The following PCDH15 variants were observed in gnomAD, a reference collection of about 807,000 sequenced individuals.
PCDH15 encodes the protein protocadherin-15.
In PCDH15, 129 loss-of-function variants were observed where a neutral mutation model predicts 178.5. The observed-to-expected ratio is 0.72, with a 90% CI of 0.63 to 0.84. The LOEUF is 0.84. Among genes scored for constraint, PCDH15 ranks in the 40% least tolerant of loss-of-function variants. The pLI is 0.00. For missense variants in PCDH15, 2,230 were observed against 2,099.9 expected (o/e 1.06, Z -1.21); for synonymous variants, 800 against 732.0 (o/e 1.09, Z -1.50).
chr10:53,974,753 C>T (rs2090048415), intron 21 of PCDH15, among the ~76,000 whole-genome samples: 1 of 152,088 alleles, frequency 6.6e-6, no homozygotes, highest in African/African-American at 2.4e-5. Context: ...ACCACAGGCG[C>T]CTCTGCCCTT....
intron 1 of PCDH15, among the ~76,000 whole-genome samples, chr10:54,726,433 T>TGG (rs1942531601): frequency 6.4e-5 from 3 of 46,578 alleles, no homozygotes; most frequent in East Asian, 1.3e-3. Context: ...TGTGTGTGTG[T>TGG]GTGTGTGTGT....
At chr10:54,020,697 G>A (rs2092894383) in intron 19 of PCDH15, among the ~76,000 whole-genome samples, 1 of 151,648 alleles carries the variant, frequency 6.6e-6, no homozygotes, top group Admixed American at 6.6e-5. Context: ...ATAAGATTTT[G>A]TCATTGTTGA....
intron 3 of PCDH15, among the ~76,000 whole-genome samples, chr10:54,446,396 A>AT (rs1308149377): frequency 2.0e-5 from 3 of 151,598 alleles, no homozygotes; most frequent in Non-Finnish European, 3.0e-5. Flanking sequence ...AGTTCATATA[A>AT]TTTTTTTCCT....
intron 14 of PCDH15, among the ~76,000 whole-genome samples, chr10:54,138,962 A>G (rs1430009343): frequency 6.6e-6 from 1 of 152,150 alleles, no homozygotes; most frequent in Admixed American, 6.5e-5. Context: ...AGTAAGCCCA[A>G]AGTATTTTTC....
Position 55,427,366 on chromosome 10 carries a change from A to G in PCDH15, c.-156+200259T>C, listed in dbSNP as rs1838782273. The stretch of plus-strand genomic sequence containing the variant: ...AGGGTGTCAAGTGCTAAAATACTAA[A>G]TGTATTGAGTACTTAGTTTGCATGA... On this transcript the variant is annotated intron_variant, in intron 2 of 5. Coordinates refer to the PCDH15 transcript ENST00000613346. Among the ~76,000 whole-genome samples, 5 of 152,216 alleles carry G rather than the reference A, an allele frequency of 3.3e-5. No individual in the cohort carries two copies. In the South Asian group the frequency reaches 1.0e-3, roughly 32 times the overall value.
At chr10:54,588,460 T>C (rs1293957225) in intron 2 of PCDH15, among the ~76,000 whole-genome samples, 1 of 152,206 alleles carries the variant, frequency 6.6e-6, no homozygotes, top group Non-Finnish European at 1.5e-5. Flanking sequence ...TTCATATTAA[T>C]TTGTAAATGA....
chr10:54,696,993 C>T (rs978162157), intron 1 of PCDH15, among the ~76,000 whole-genome samples: 1 of 152,060 alleles, frequency 6.6e-6, no homozygotes, highest in Non-Finnish European at 1.5e-5. Flanking sequence ...GTTGCCCAGA[C>T]TGGACTCAGA....
At chr10:55,240,643 A>C (rs2132211119) in intron 1 of PCDH15, among the ~76,000 whole-genome samples, 1 of 152,314 alleles carries the variant, frequency 6.6e-6, no homozygotes, top group South Asian at 2.1e-4. Flanking sequence ...ACTGTTCTGC[A>C]AAACAGTTCA....
chr10:54,095,214 G>A (rs1565244312), intron 15 of PCDH15, among the ~76,000 whole-genome samples: 1 of 151,984 alleles, frequency 6.6e-6, no homozygotes, highest in Non-Finnish European at 1.5e-5. Flanking sequence ...TTTCAATTCA[G>A]TACAGCAGTG....
chr10:55,185,570 TTAAAAA>T (rs1480194662), intron 1 of PCDH15, among the ~76,000 whole-genome samples: 6 of 151,706 alleles, frequency 4.0e-5, no homozygotes, highest in Non-Finnish European at 5.9e-5. Context: ...GTTGAGCAAG[TTAAAAA>T]TAAAAAGTCA....
chr10:54,601,101 C>T (rs1249528320), intron 2 of PCDH15, among the ~76,000 whole-genome samples: 1 of 152,022 alleles, frequency 6.6e-6, no homozygotes, highest in Non-Finnish European at 1.5e-5. Flanking sequence ...TTGACACGGA[C>T]AGTTTGCAAT....
At chr10:55,615,988 T>C (rs1412884766) in intron 2 of PCDH15, among the ~76,000 whole-genome samples, 3 of 152,120 alleles carry the variant, frequency 2.0e-5, no homozygotes, top group Non-Finnish European at 2.9e-5. Flanking sequence ...CAATGCCACA[T>C]TGAGACAGAG....
intron 13 of PCDH15, among the ~76,000 whole-genome samples, chr10:54,182,132 A>C (rs535390257): frequency 6.6e-6 from 1 of 152,070 alleles, no homozygotes; most frequent in African/African-American, 2.4e-5. Context: ...TAATTTTTTT[A>C]AAAATTTTTA....
intron 3 of PCDH15, among the ~76,000 whole-genome samples, chr10:54,469,776 G>T (rs2077770603): frequency 6.6e-6 from 1 of 152,092 alleles, no homozygotes. Context: ...AGTGGGTTTG[G>T]TGGTAATAGT....
At chr10:54,200,995 G>A (rs1397378822) in intron 10 of PCDH15, among the ~76,000 whole-genome samples, 5 of 151,980 alleles carry the variant, frequency 3.3e-5, no homozygotes, top group Admixed American at 6.6e-5. Flanking sequence ...TCTAACAGAC[G>A]TTTCAGATAT....
chr10:55,259,902 CAAAAAAAAAAAAAAAAAA>C (rs749939571), intron 1 of PCDH15, among the ~76,000 whole-genome samples: 5 of 52,006 alleles, frequency 9.6e-5, no homozygotes, highest in Admixed American at 2.3e-4. Flanking sequence ...AACTCCGTCT[CAAAAAAAAAAAAAAAAAA>C]AAAAAAAAAA....
intron 1 of PCDH15, among the ~76,000 whole-genome samples, chr10:55,174,579 A>G (rs1432708245): frequency 1.3e-5 from 2 of 152,186 alleles, no homozygotes; most frequent in African/African-American, 4.8e-5. Flanking sequence ...AGCTTTGCCA[A>G]CATTGTAGAA....
intron 2 of PCDH15, among the ~76,000 whole-genome samples, chr10:55,490,301 G>A (rs1375922695): frequency 6.6e-6 from 1 of 151,702 alleles, no homozygotes; most frequent in Non-Finnish European, 1.5e-5. Context: ...AAATGAAGAA[G>A]AGGAAGCTAT....
intron 32 of PCDH15, among the ~76,000 whole-genome samples, chr10:53,825,294 TTTG>T (rs2076605968): frequency 6.6e-6 from 1 of 152,026 alleles, no homozygotes; most frequent in African/African-American, 2.4e-5. Context: ...GTTTTTATAT[TTTG>T]TTATTATTCA....
Sources: gnomAD v4.1 joint callset for allele counts (sites outside exome capture counted in the v4.1 genomes callset) on GRCh38, gnomAD v4.1.1 for gene constraint, MANE v1.5 for transcripts, NCBI Gene and HGNC (gene_info 2026-07-23, HGNC 2026-07-21) for gene names.